SDK2: variants seen among roughly 807,000 people sequenced by gnomAD.
SDK2 encodes the protein protein sidekick-2.
In SDK2, 105 loss-of-function variants were observed where a neutral mutation model predicts 253.9. The observed-to-expected ratio is 0.41, with a 90% CI of 0.35 to 0.49. The LOEUF (loss-of-function observed/expected upper bound fraction) is 0.49. Ranked by LOEUF, SDK2 falls within the 20% of genes least tolerant of loss-of-function variation. SDK2 has a pLI of 0.06. For synonymous variants in SDK2, 1,249 were observed against 1,234.9 expected (o/e 1.01, Z -0.24); for missense variants, 2,608 against 3,003.0 (o/e 0.87, Z 3.07).
At position 73,352,551 on chromosome 17, in the gene SDK2, C is replaced by T. The variant is rs142293180; in HGVS notation, c.5680G>A (p.Val1894Met). 2.3e-4 allele frequency: 375 copies of T among 1,613,944 alleles called. 1 individual carries two copies. Among genetic ancestry groups the T allele is most frequent in the Non-Finnish European group, 2.8e-4 (326 of 1,179,910 alleles). Residue 1894 changes from valine to methionine, a missense_variant, in exon 41 of 45, where the codon GTG becomes ATG. Val to Met is a conservative substitution (Grantham distance 21). Around this residue, in one of 2 missense-constraint regions of SDK2, gnomAD observed 1,103 missense variants for 1,143.9 expected, o/e 0.96. Coordinates refer to ENST00000392650, the MANE Select transcript of SDK2 (RefSeq NM_001144952.2). This position sits in a 1 kb window ranked among gnomAD's most constrained non-coding sequence, Gnocchi z 4.1. ...GCGATGACCCGGAAGTCATAGCTCA[C>T]GCCCGGCTTCAGGATGTCCATGCTG... ...TFSMDILKPG[V>M]SYDFRVIAVN...
Position 73,380,836 on chromosome 17 carries a change from C to T in SDK2, c.4762+58G>A. The T allele has an allele frequency of 4.1e-6, 6 of 1,466,318 alleles. No homozygotes were observed. In the South Asian group the frequency reaches 7.3e-5, roughly 18 times the overall value. The allele number at this position is 1,466,318 out of a possible 1,614,324, so 90.8% of individuals were successfully genotyped here. ...GATCAGGTCTCTCAAGGAGGCCCCA[C>T]TCCCAATCCCCTGCGAGGCCTGGGC... On this transcript the variant is annotated intron_variant, in intron 34 of 44. Transcript: ENST00000392650.
intron 1 of SDK2, among the ~76,000 whole-genome samples, chr17:73,605,055 T>TGGGAAAGG (rs2045889641): frequency 6.6e-6 from 1 of 152,116 alleles, no homozygotes; most frequent in African/African-American, 2.4e-5. Flanking sequence ...AGGCCAACTA[T>TGGGAAAGG]GGGCAAGGGG....
Position 73,384,021 on chromosome 17 carries a change from G to A in SDK2, c.4570-10C>T. ...TGTCCTCTGCTGGCGGCTGCAGGAA[G>A]GGAGTAGGGCATGGGGAGGGCACCT... On this transcript the variant is annotated splice_polypyrimidine_tract_variant and intron_variant, in intron 32 of 44. Coordinates refer to ENST00000392650, the MANE Select transcript of SDK2 (RefSeq NM_001144952.2). 6.2e-7 allele frequency: 1 copy of A among 1,612,768 alleles called. No homozygotes were observed. The highest frequency in any genetic ancestry group is 8.5e-7 in the Non-Finnish European group (1 of 1,179,458).
At chr17:73,388,523 A>C (rs2062893598) in intron 29 of SDK2, among the ~76,000 whole-genome samples, 1 of 152,070 alleles carries the variant, frequency 6.6e-6, no homozygotes, top group Non-Finnish European at 1.5e-5. Flanking sequence ...TGGAATTCAG[A>C]ACAGATGACT....
chr17:73,379,686 G>A lies in SDK2; in HGVS notation c.4763-137C>T, dbSNP rs566486705. The stretch of plus-strand genomic sequence containing the variant: ...TCTAGCCCCCTCTGTGAAGGTGCAT[G>A]AAGGAGGAGGTGAGAGGCGGGGCCC... On this transcript the variant is annotated intron_variant, in intron 34 of 44. Transcript: ENST00000392650. The surrounding 1 kb of genome is among the most constrained non-coding windows in gnomAD (Gnocchi z 4.5). 3.0e-4 allele frequency: 186 copies of A among 620,700 alleles called. No homozygotes were observed. In the African/African-American group the frequency reaches 3.3e-3, roughly 11 times the overall value. 38.4% of individuals were successfully genotyped at this position (620,700 alleles called of 1,614,324 possible).
At chr17:73,471,425 CT>C (rs2063649894) in intron 3 of SDK2, among the ~76,000 whole-genome samples, 1 of 152,062 alleles carries the variant, frequency 6.6e-6, no homozygotes, top group Non-Finnish European at 1.5e-5. Context: ...TGGTGAAACC[CT>C]ATCTCTACTA....
At chr17:73,608,659 T>A (rs1264593152) in intron 1 of SDK2, among the ~76,000 whole-genome samples, 4 of 152,144 alleles carry the variant, frequency 2.6e-5, no homozygotes, top group Non-Finnish European at 4.4e-5. Context: ...GCCAGGTTGG[T>A]CTTGAACTCC....
chr17:73,551,098 C>T (rs1367209129), intron 1 of SDK2, among the ~76,000 whole-genome samples: 1 of 152,162 alleles, frequency 6.6e-6, no homozygotes, highest in African/African-American at 2.4e-5. Flanking sequence ...AGGAAAGGAC[C>T]TGAGAGGTCA....
intron 18 of SDK2, among the ~76,000 whole-genome samples, chr17:73,413,947 A>T (rs1202605381): frequency 6.6e-6 from 1 of 152,112 alleles, no homozygotes; most frequent in Admixed American, 6.6e-5. Flanking sequence ...GATACGTTTG[A>T]GCATGAAGCC....
rs1312656494 is a variant in SDK2 at position 73,419,169 on chromosome 17, A to G, written c.2183T>C (p.Ile728Thr). 2.5e-6 allele frequency: 4 copies of G among 1,611,930 alleles called. No individual in the cohort carries two copies. Among genetic ancestry groups the G allele is most frequent in the Non-Finnish European group, 3.4e-6 (4 of 1,179,248 alleles). ...TGTCCCCAGGGTGGACACCCACCTGATGATGTAACCCTTGAGAATTCCATT... is the reference window on the plus strand; with the variant it reads ...TGTCCCCAGGGTGGACACCCACCTGGTGATGTAACCCTTGAGAATTCCATT... ...HQNGILKGYI[I>T]RYCLAGLPVG... is the part of the protein sequence containing the mutation. Residue 728 changes from isoleucine (I) to threonine (T), a missense_variant, in exon 16 of 45, where the codon ATC (isoleucine) becomes ACC (threonine). Around this residue, in one of 2 missense-constraint regions of SDK2, gnomAD observed 1,505 missense variants for 1,859.1 expected, o/e 0.81. Transcript: ENST00000392650.
At chr17:73,501,621 C>T (rs191195208) in intron 2 of SDK2, among the ~76,000 whole-genome samples, 2 of 152,370 alleles carry the variant, frequency 1.3e-5, no homozygotes, top group Non-Finnish European at 2.9e-5. Flanking sequence ...GTTCTCACAG[C>T]TCTTGCCTAA....
Position 73,358,172 on chromosome 17 carries a change from C to A in SDK2, c.5500G>T (p.Val1834Leu). The part of the protein sequence containing the change: ...APGPPGVPII[V>L]RYSSAIAIHW... ...ATGGCGATGGCAGAGCTGTACCGCACGATGATGGGCACGCCAGGCGGTCCT... is the reference window on the plus strand; with the variant it reads ...ATGGCGATGGCAGAGCTGTACCGCAAGATGATGGGCACGCCAGGCGGTCCT... The change falls in exon 40 of 45, where the codon GTG becomes TTG. Residue 1834 changes from valine (V) to leucine (L), a missense_variant. By Grantham distance (32) the Val-to-Leu change is conservative (BLOSUM62 1). Transcript: ENST00000392650. The A allele has an allele frequency of 6.2e-7, 1 of 1,609,170 alleles. No homozygotes were observed. The highest frequency in any genetic ancestry group is 1.7e-4 in the Middle Eastern group (1 of 5,988).
chr17:73,489,792 A>G (rs778406041), intron 2 of SDK2, among the ~76,000 whole-genome samples: 2 of 152,164 alleles, frequency 1.3e-5, no homozygotes, highest in African/African-American at 4.8e-5. Context: ...TGGGATCTGT[A>G]TCTATACTTA....
At chr17:73,594,576 G>A (rs748130748) in intron 1 of SDK2, among the ~76,000 whole-genome samples, 5 of 151,238 alleles carry the variant, frequency 3.3e-5, no homozygotes, top group Non-Finnish European at 5.9e-5. Flanking sequence ...CTCCCTGCCT[G>A]CCTCATGATG....
intron 25 of SDK2, among the ~76,000 whole-genome samples, chr17:73,394,950 T>C (rs1224317731): frequency 6.6e-6 from 1 of 152,058 alleles, no homozygotes; most frequent in Non-Finnish European, 1.5e-5. Context: ...CTTGGGAATA[T>C]GGGAATAGCA....
intron 3 of SDK2, among the ~76,000 whole-genome samples, chr17:73,470,016 A>G (rs948759047): frequency 2.0e-5 from 3 of 151,594 alleles, no homozygotes; most frequent in East Asian, 3.9e-4. Context: ...ACACACACAC[A>G]CACACACACA....
chr17:73,477,310 G>C (rs2063692932), intron 2 of SDK2, among the ~76,000 whole-genome samples: 1 of 152,152 alleles, frequency 6.6e-6, no homozygotes, highest in South Asian at 2.1e-4. Context: ...CCCCATCCAG[G>C]TCACCCCGGG....
chr17:73,576,303 G>C (rs1281032197), intron 1 of SDK2, among the ~76,000 whole-genome samples: 1 of 152,184 alleles, frequency 6.6e-6, no homozygotes, highest in Non-Finnish European at 1.5e-5. Context: ...CCCAAGGAAG[G>C]GAAAGGCGTC....
At position 73,399,153 on chromosome 17, in the gene SDK2, C is replaced by A. The variant is rs1449664490; in HGVS notation, c.3093+15G>T. 1 of 1,612,950 alleles carries A rather than the reference C, an allele frequency of 6.2e-7. No individual in the cohort carries two copies. Among genetic ancestry groups the A allele is most frequent in the Non-Finnish European group, 8.5e-7 (1 of 1,179,744 alleles). On this transcript the variant is annotated intron_variant, in intron 22 of 44. Transcript: ENST00000392650. ...CCTGGCGGGGGCTGCTGGTCAGGCC[C>A]CAGGCCTGCCCTACCTGGGCTTCCA...
Sources: allele counts gnomAD v4.1 joint callset (sites outside exome capture counted in the v4.1 genomes callset), GRCh38; gene constraint gnomAD v4.1.1; regional missense constraint gnomAD v4.1.1; non-coding constraint Gnocchi (gnomAD v3.1); transcripts MANE v1.5; gene names NCBI Gene and HGNC (gene_info 2026-07-23, HGNC 2026-07-21).